The following CORIN variants were observed in gnomAD, a reference collection of about 807,000 sequenced individuals.
CORIN encodes corin, serine peptidase.
In CORIN, 117 loss-of-function variants were observed where a neutral mutation model predicts 125.3. That is an observed-to-expected ratio of 0.93 (90% confidence interval 0.80 to 1.09). The LOEUF (loss-of-function observed/expected upper bound fraction) is 1.09, where lower values mean the gene tolerates loss of function less well. CORIN is among the 50% of genes least tolerant of loss of function. The pLI is 0.00. For missense variants in CORIN, 1,253 were observed against 1,306.7 expected (o/e 0.96, Z 0.63); for synonymous variants, 450 against 466.4 (o/e 0.96, Z 0.45).
chr4:47,638,867 GTT>G (rs1259180514), intron 16 of CORIN, among the ~76,000 whole-genome samples: 1 of 152,170 alleles, frequency 6.6e-6, no homozygotes, highest in Non-Finnish European at 1.5e-5. Context: ...AAAGCAAAAA[GTT>G]TTCAAATTCA....
intron 21 of CORIN, 64 bp from the exon 22 acceptor site, chr4:47,595,967 A>C: frequency 1.5e-6 from 2 of 1,321,544 alleles, no homozygotes; most frequent in Non-Finnish European, 2.1e-6. Context: ...TGTCCATGCT[A>C]TCCTGAGGAT....
chr4:47,644,498 T>TA (rs1260347291), intron 14 of CORIN, among the ~76,000 whole-genome samples: 1 of 152,204 alleles, frequency 6.6e-6, no homozygotes, highest in Non-Finnish European at 1.5e-5. Flanking sequence ...TATTTGTAGG[T>TA]AAAACATCTT....
chr4:47,772,117 G>GATAGATAGA (rs1560542015), intron 3 of CORIN, among the ~76,000 whole-genome samples: 1 of 93,282 alleles, frequency 1.1e-5, no homozygotes. Flanking sequence ...AGATAGATAG[G>GATAGATAGA]TAGATAGATA....
chr4:47,780,957 C>T (rs950474316), intron 3 of CORIN, among the ~76,000 whole-genome samples: 2 of 146,924 alleles, frequency 1.4e-5, no homozygotes, highest in African/African-American at 5.0e-5. Context: ...GGAATTTAAA[C>T]GTTTCAATAT....
chr4:47,726,208 A>G (rs940151730), intron 5 of CORIN, among the ~76,000 whole-genome samples: 1 of 152,076 alleles, frequency 6.6e-6, no homozygotes, highest in Non-Finnish European at 1.5e-5. Flanking sequence ...GACAGATACC[A>G]ATCTAGGTAT....
At chr4:47,779,425 C>CTTTTTTTTTTCTT (rs558784161) in intron 3 of CORIN, among the ~76,000 whole-genome samples, 1 of 144,442 alleles carries the variant, frequency 6.9e-6, no homozygotes, top group African/African-American at 2.7e-5. Flanking sequence ...GCTGCATATT[C>CTTTTTTTTTTCTT]TTTTTTTTTT....
chr4:47,667,645 G>A (rs1266275817), intron 10 of CORIN, among the ~76,000 whole-genome samples: 1 of 152,112 alleles, frequency 6.6e-6, no homozygotes, highest in African/African-American at 2.4e-5. Context: ...TATTTATAAG[G>A]AGGCTGATGT....
rs73815847 is a variant in CORIN, at chr4:47,661,889, C to G, written c.1590-33G>C. On this transcript the variant is annotated intron_variant, in intron 11 of 21. Transcript: ENST00000273857. ...AACAAGAAAGACAAAACATTAGAAG[C>G]AGAAATAGCTCCATCTGAGACAGAT... is the stretch of plus-strand genomic sequence containing the variant. 262 of 1,559,840 alleles carry G rather than the reference C, an allele frequency of 1.7e-4. 1 individual carries two copies. In the African/African-American group the frequency reaches 3.3e-3, roughly 19 times the overall value.
intron 21 of CORIN, among the ~76,000 whole-genome samples, chr4:47,596,167 C>T (rs1316278658): frequency 6.6e-6 from 1 of 152,102 alleles, no homozygotes; most frequent in East Asian, 1.9e-4. Context: ...TTACCTTTTT[C>T]AGGCATTTTC....
At position 47,606,592 on chromosome 4, in the gene CORIN, A is replaced by G. The variant is rs1721652117; in HGVS notation, c.2541-2924T>C. ...TTTCATTACATAAAGCCGTCACTAG[A>G]AGAACATGCTTTTCTTATCCTTCCT... is the stretch of plus-strand genomic sequence containing the variant. On this transcript the variant is annotated intron_variant, in intron 19 of 21. Coordinates refer to ENST00000273857, the MANE Select transcript of CORIN (RefSeq NM_006587.4). Among the ~76,000 whole-genome samples, 6 of 152,144 alleles carry G rather than the reference A, an allele frequency of 3.9e-5. 1 individual carries two copies. The South Asian group carries it at 1.2e-3, about 32-fold the overall frequency.
intron 5 of CORIN, among the ~76,000 whole-genome samples, chr4:47,695,757 C>A (rs1417207762): frequency 6.6e-6 from 1 of 152,148 alleles, no homozygotes; most frequent in Non-Finnish European, 1.5e-5. Flanking sequence ...TTCTTCTTAA[C>A]CTGTATTCAG....
At chr4:47,725,007 G>A (rs1727523220) in intron 5 of CORIN, among the ~76,000 whole-genome samples, 1 of 152,102 alleles carries the variant, frequency 6.6e-6, no homozygotes, top group Non-Finnish European at 1.5e-5. Context: ...AACTAGCAAT[G>A]AACAATGGGA....
rs1228592834 is a variant in CORIN at position 47,643,369 on chromosome 4, A to G, written c.1958-113T>C. The G allele has an allele frequency of 4.4e-6, 4 of 917,340 alleles. No homozygotes were observed. In the Admixed American group the frequency reaches 1.1e-4, roughly 26 times the overall value. The allele number at this position is 917,340 out of a possible 1,614,324, so 56.8% of individuals were successfully genotyped here. ...GAGCATGGAAAGAAGAAAATATGTG[A>G]TCACTGAGGCTTCCAAACGGGCATA... On this transcript the variant is annotated intron_variant, in intron 14 of 21. Transcript: ENST00000273857.
chr4:47,674,468 A>G lies in CORIN; in HGVS notation c.1282T>C (p.Cys428Arg). The G allele has an allele frequency of 1.9e-6, 3 of 1,613,930 alleles. No homozygotes were observed. Residue 428 changes from cysteine (C) to arginine (R), a missense_variant, in exon 10 of 22, where the codon TGC becomes CGC. Cys to Arg is a radical substitution (Grantham distance 180). Transcript: ENST00000273857. ...QTSCQEGDQRCLYNPCLDSCG... is the reference protein window; with the variant it reads ...QTSCQEGDQRRLYNPCLDSCG... Reference sequence around the variant, plus strand: ...GAATCAAGGCAGGGATTGTAGAGGCATCTTTGGTCTCCTTCTTGACATGAA... The same window carrying G: ...GAATCAAGGCAGGGATTGTAGAGGCGTCTTTGGTCTCCTTCTTGACATGAA...
At position 47,774,312 on chromosome 4, in the gene CORIN, CCCCCTTCTCAG is replaced by C. The variant is rs1006376170; in HGVS notation, c.410-10737_410-10727del. Reference sequence around the variant, plus strand: ...GAGCCGGGAACAGGTGGGAGCCCCACCCCCTTCTCAGCTGGCAGGGCAGGAGCCCTGCACTC... The same window carrying C: ...GAGCCGGGAACAGGTGGGAGCCCCACCTGGCAGGGCAGGAGCCCTGCACTC... On this transcript the variant is annotated intron_variant, in intron 3 of 21. Transcript: ENST00000273857. Among the ~76,000 whole-genome samples, 29 of 152,230 alleles carry C rather than the reference CCCCCTTCTCAG, an allele frequency of 1.9e-4. No homozygotes were observed. The East Asian group carries it at 5.6e-3, about 29-fold the overall frequency.
At chr4:47,781,681 C>T (rs568129752) in intron 3 of CORIN, among the ~76,000 whole-genome samples, 5 of 152,278 alleles carry the variant, frequency 3.3e-5, no homozygotes, top group South Asian at 2.1e-4. Flanking sequence ...GGTGGCTGGG[C>T]GCAGTGGCTA....
At position 47,673,179 on chromosome 4, in the gene CORIN, AAAATAAATAAATAAAT is replaced by A. The variant is rs66990449; in HGVS notation, c.1357+1198_1357+1213del. ...CATGGTGAAACGCCATCTTTACCAAAAAATAAATAAATAAATAAATAAATAAATAAATAAATAAATA... is the reference window on the plus strand; with the variant it reads ...CATGGTGAAACGCCATCTTTACCAAAAAATAAATAAATAAATAAATAAATA... On this transcript the variant is annotated intron_variant, in intron 10 of 21. Coordinates refer to ENST00000273857, the MANE Select transcript of CORIN (RefSeq NM_006587.4). Among the ~76,000 whole-genome samples, 178 of 142,810 alleles carry A rather than the reference AAAATAAATAAATAAAT, an allele frequency of 1.2e-3. No homozygotes were observed. In the South Asian group the frequency reaches 0.018, roughly 14 times the overall value. 93.7% of individuals were successfully genotyped at this position (142,810 alleles called of 152,430 possible).
In CORIN at chr4:47,647,901, A is replaced by T. The variant is rs538011268; in HGVS notation, c.1844-2707T>A. Reference sequence around the variant, plus strand: ...CAAACTTTGGTTTCCATACATCTTAAATACAAATAATAATGCCTGCTTCAT... The same window carrying T: ...CAAACTTTGGTTTCCATACATCTTATATACAAATAATAATGCCTGCTTCAT... On this transcript the variant is annotated intron_variant, in intron 13 of 21. Coordinates refer to ENST00000273857, the MANE Select transcript of CORIN (RefSeq NM_006587.4). 3.6e-4 allele frequency among the ~76,000 whole-genome samples: 55 copies of T among 152,300 alleles called. 1 individual carries two copies. The highest frequency in any genetic ancestry group is 3.1e-3 in the Admixed American group (47 of 15,304).
chr4:47,703,986 A>AACAGAAAAGGAAGTCAATTGCT (rs1323034399), intron 5 of CORIN, among the ~76,000 whole-genome samples: 23 of 152,142 alleles, frequency 1.5e-4, no homozygotes, highest in Non-Finnish European at 3.1e-4. Flanking sequence ...TTGGCTCATA[A>AACAGAAAAGGAAGTCAATTGCT]ACAGAAAAGG....
Sources: gnomAD v4.1 joint callset for allele counts (sites outside exome capture counted in the v4.1 genomes callset) on GRCh38, gnomAD v4.1.1 for gene constraint, MANE v1.5 for transcripts, NCBI Gene and HGNC (gene_info 2026-07-23, HGNC 2026-07-21) for gene names.